UMAD1: variants seen among roughly 807,000 people sequenced by gnomAD.
UMAD1 encodes UBAP1-MVB12-associated (UMA) domain containing 1, also known as UBAP1-MVB12-associated (UMA)-domain containing protein 1.
A neutral mutation model predicts 6.1 loss-of-function variants in UMAD1; 8 were observed. The observed-to-expected ratio is 1.30, with a 90% CI of 0.76 to 2.35. UMAD1 has a LOEUF of 2.35. Among genes scored for constraint, UMAD1 ranks in the 30% most tolerant of loss-of-function variants. The pLI is 0.00. For missense variants in UMAD1, 130 were observed against 78.4 expected (o/e 1.66, Z -2.49); for synonymous variants, 56 against 31.4 (o/e 1.78, Z -2.61).
intron 2 of UMAD1, among the ~76,000 whole-genome samples, chr7:7,679,623 A>G (rs1397701815): frequency 1.1e-4 from 6 of 53,520 alleles, no homozygotes; most frequent in African/African-American, 5.2e-4. Flanking sequence ...AGATAAATAT[A>G]TATTTATATA....
chr7:7,696,084 C>A (rs1780310024), intron 2 of UMAD1, among the ~76,000 whole-genome samples: 1 of 150,414 alleles, frequency 6.6e-6, no homozygotes, highest in South Asian at 2.1e-4. Context: ...CAGCTCACTG[C>A]AGCCTCTACC....
intron 3 of UMAD1, among the ~76,000 whole-genome samples, chr7:7,809,892 A>T (rs1014165797): frequency 1.3e-5 from 2 of 152,070 alleles, no homozygotes; most frequent in South Asian, 4.1e-4. Context: ...AGTTATTGAA[A>T]TGAATGAAAA....
intron 1 of UMAD1, among the ~76,000 whole-genome samples, chr7:7,659,879 G>A (rs886658898): frequency 6.6e-5 from 10 of 152,022 alleles, no homozygotes; most frequent in Admixed American, 3.9e-4. Flanking sequence ...TCTCGTTGAT[G>A]TATCTAATAT....
chr7:7,751,372 A>C (rs1346057325), intron 2 of UMAD1, among the ~76,000 whole-genome samples: 1 of 152,244 alleles, frequency 6.6e-6, no homozygotes, highest in African/African-American at 2.4e-5. Context: ...GTGCCAATGC[A>C]AACAATGGAT....
intron 1 of UMAD1, among the ~76,000 whole-genome samples, chr7:7,653,967 T>C (rs1023991209): frequency 6.6e-6 from 1 of 152,186 alleles, no homozygotes; most frequent in African/African-American, 2.4e-5. Context: ...GAAACCTTGG[T>C]CCAATGTAAT....
intron 3 of UMAD1, among the ~76,000 whole-genome samples, chr7:7,825,798 C>T (rs994698005): frequency 6.6e-4 from 100 of 152,200 alleles, no homozygotes; most frequent in African/African-American, 2.2e-3. Context: ...ATAGGATTCC[C>T]TAGATTGTGC....
At position 7,735,359 on chromosome 7, in the gene UMAD1, A is replaced by C. The variant is rs79597231; in HGVS notation, c.82+61906A>C. Among the ~76,000 whole-genome samples the C allele has an allele frequency of 2.0e-5, 3 of 152,266 alleles. No individual in the cohort carries two copies. The East Asian group carries it at 5.8e-4, about 29-fold the overall frequency. On this transcript the variant is annotated intron_variant, in intron 2 of 3. Coordinates refer to ENST00000682710, the MANE Select transcript of UMAD1 (RefSeq NM_001302348.2). ...AGACTTTTAATCCAAGCTTAATTTT[A>C]ATGTGTTGTAGACATTTCTTGGAAA... is the stretch of plus-strand genomic sequence containing the variant.
At chr7:7,768,740 G>A (rs1170781486) in intron 2 of UMAD1, among the ~76,000 whole-genome samples, 6 of 151,898 alleles carry the variant, frequency 4.0e-5, no homozygotes, top group Admixed American at 1.3e-4. Flanking sequence ...TAGATATTTC[G>A]TATTTGTTGA....
intron 2 of UMAD1, among the ~76,000 whole-genome samples, chr7:7,701,697 G>C (rs559084503): frequency 6.6e-6 from 1 of 152,028 alleles, no homozygotes; most frequent in East Asian, 1.9e-4. Context: ...AGAATGACAG[G>C]GTATTTACTT....
intron 2 of UMAD1, among the ~76,000 whole-genome samples, chr7:7,752,371 G>A (rs1049238727): frequency 2.0e-5 from 3 of 151,960 alleles, no homozygotes; most frequent in Admixed American, 6.6e-5. Context: ...CACAAAATAC[G>A]TATCGAGAAA....
At chr7:7,792,832 G>T (rs148065276) in intron 2 of UMAD1, among the ~76,000 whole-genome samples, 3 of 152,254 alleles carry the variant, frequency 2.0e-5, no homozygotes, top group Admixed American at 1.3e-4. Flanking sequence ...TGGTGAGGGC[G>T]CACTTTTTGG....
At chr7:7,646,884 G>C (rs1292738162) in intron 1 of UMAD1, among the ~76,000 whole-genome samples, 1 of 152,086 alleles carries the variant, frequency 6.6e-6, no homozygotes, top group Non-Finnish European at 1.5e-5. Context: ...ACAGAATAGG[G>C]GTGACATATT....
At chr7:7,852,790 G>C (rs915723882) in intron 3 of UMAD1, among the ~76,000 whole-genome samples, 4 of 152,176 alleles carry the variant, frequency 2.6e-5, no homozygotes, top group South Asian at 2.1e-4. Context: ...CTTTTATGCA[G>C]ACATCCTTGG....
chr7:7,848,641 G>A (rs1218033377), intron 3 of UMAD1, among the ~76,000 whole-genome samples: 1 of 152,088 alleles, frequency 6.6e-6, no homozygotes, highest in Non-Finnish European at 1.5e-5. Flanking sequence ...GGGAAAGGGA[G>A]AGATTTATGA....
At chr7:7,866,916 T>C (rs1583883618) in intron 3 of UMAD1, among the ~76,000 whole-genome samples, 1 of 152,122 alleles carries the variant, frequency 6.6e-6, no homozygotes, top group East Asian at 1.9e-4. Context: ...CTTAGTATCC[T>C]GAATGAAGAG....
rs551013825 is a variant in UMAD1 at position 7,674,907 on chromosome 7, CT to C, written c.82+1456del. Among the ~76,000 whole-genome samples the C allele has an allele frequency of 2.5e-3, 376 of 152,212 alleles. 1 individual carries two copies. The highest frequency in any genetic ancestry group is 8.7e-3 in the African/African-American group (360 of 41,546). ...CTCTCAGAATTTTTTCCAAAAAACT[CT>C]TGTTTTCCACTCTGTTATATATTCC... On this transcript the variant is annotated intron_variant, in intron 2 of 3. Coordinates refer to ENST00000682710, the MANE Select transcript of UMAD1 (RefSeq NM_001302348.2).
chr7:7,650,927 T>C (rs528347696), intron 1 of UMAD1, among the ~76,000 whole-genome samples: 2 of 152,300 alleles, frequency 1.3e-5, no homozygotes, highest in South Asian at 4.1e-4. Flanking sequence ...AGATCTTGGT[T>C]AATGTATAGT....
intron 1 of UMAD1, among the ~76,000 whole-genome samples, chr7:7,653,839 A>G (rs988268038): frequency 6.6e-6 from 1 of 152,040 alleles, no homozygotes; most frequent in African/African-American, 2.4e-5. Flanking sequence ...CAGCTGGGGG[A>G]TAGGAAGGCA....
chr7:7,788,820 G>T (rs532482352), intron 2 of UMAD1, among the ~76,000 whole-genome samples: 2 of 152,210 alleles, frequency 1.3e-5, no homozygotes, highest in South Asian at 4.2e-4. Context: ...GTGACATCAA[G>T]ACTTAAGAAG....
Sources: allele counts gnomAD v4.1 joint callset (sites outside exome capture counted in the v4.1 genomes callset), GRCh38; gene constraint gnomAD v4.1.1; transcripts MANE v1.5; gene names NCBI Gene and HGNC (gene_info 2026-07-23, HGNC 2026-07-21).